Variants in THSD7B observed in about 807,000 individuals in gnomAD.
THSD7B encodes the protein thrombospondin type 1 domain containing 7B.
THSD7B carries 138 observed loss-of-function variants against 213.6 expected under a neutral mutation model. The ratio of observed to expected loss-of-function variants is 0.65; its 90% CI spans 0.56 to 0.74. The LOEUF (loss-of-function observed/expected upper bound fraction) is 0.74, where lower values mean the gene tolerates loss of function less well. Ranked by LOEUF, THSD7B falls within the 30% of genes least tolerant of loss-of-function variation. The probability of loss-of-function intolerance (pLI) is 0.00; values close to 1 mark genes in which losing one functional copy is unlikely to be tolerated. For missense variants in THSD7B, 1,931 were observed against 1,991.5 expected (o/e 0.97, Z 0.58); for synonymous variants, 742 against 687.0 (o/e 1.08, Z -1.25).
At chr2:136,965,743 TA>T (rs1685303122) in intron 2 of THSD7B, among the ~76,000 whole-genome samples, 1 of 152,206 alleles carries the variant, frequency 6.6e-6, no homozygotes, top group African/African-American at 2.4e-5. Flanking sequence ...TTTATTTCTT[TA>T]GTTTTAATAG....
chr2:137,093,216 G>A (rs1687983342), intron 3 of THSD7B, among the ~76,000 whole-genome samples: 1 of 152,008 alleles, frequency 6.6e-6, no homozygotes. Context: ...ACCTGTGACA[G>A]GAAGCCCTTC....
intron 14 of THSD7B, among the ~76,000 whole-genome samples, chr2:137,441,770 A>G (rs139162935): frequency 1.7e-4 from 26 of 152,218 alleles, no homozygotes; most frequent in Admixed American, 3.3e-4. Flanking sequence ...TGTCAATGTT[A>G]TCCTAGTCTT....
At chr2:137,207,017 G>C (rs1457649195) in intron 7 of THSD7B, among the ~76,000 whole-genome samples, 1 of 152,034 alleles carries the variant, frequency 6.6e-6, no homozygotes, top group Non-Finnish European at 1.5e-5. Context: ...TTTCCAAAAA[G>C]GAAAGTTCAG....
chr2:136,971,880 C>T (rs1259500909), intron 2 of THSD7B, among the ~76,000 whole-genome samples: 4 of 152,218 alleles, frequency 2.6e-5, no homozygotes, highest in Middle Eastern at 3.4e-3. Flanking sequence ...TTGGGCTCCA[C>T]TTCTCTATGA....
intron 1 of THSD7B, among the ~76,000 whole-genome samples, chr2:136,819,828 C>T (rs145786837): frequency 4.6e-5 from 7 of 151,032 alleles, no homozygotes; most frequent in African/African-American, 1.7e-4. Flanking sequence ...TCCCAAGAAG[C>T]CTACTACTCT....
intron 16 of THSD7B, among the ~76,000 whole-genome samples, chr2:137,569,070 A>C (rs543001338): frequency 6.6e-6 from 1 of 152,310 alleles, no homozygotes; most frequent in East Asian, 1.9e-4. Flanking sequence ...AGTGGAGGTA[A>C]GAAAGGGTGG....
chr2:137,664,779 A>G (rs1383689240), intron 26 of THSD7B, among the ~76,000 whole-genome samples: 5 of 152,178 alleles, frequency 3.3e-5, no homozygotes, highest in Non-Finnish European at 5.9e-5. Flanking sequence ...AATTGGATAG[A>G]AGGGGAAAGC....
chr2:137,302,026 T>G (rs1683617175), intron 12 of THSD7B, among the ~76,000 whole-genome samples: 1 of 152,058 alleles, frequency 6.6e-6, no homozygotes, highest in Admixed American at 6.6e-5. Flanking sequence ...AATGATGATG[T>G]GACTTGGACC....
intron 2 of THSD7B, among the ~76,000 whole-genome samples, chr2:137,010,048 C>T (rs1006428805): frequency 2.0e-5 from 3 of 152,226 alleles, no homozygotes; most frequent in African/African-American, 7.2e-5. Flanking sequence ...CCCTCACCCC[C>T]TCCCATCCTT....
chr2:136,768,458 A>G (rs1188824112), intron 1 of THSD7B, among the ~76,000 whole-genome samples: 2 of 152,260 alleles, frequency 1.3e-5, no homozygotes, highest in Admixed American at 6.5e-5. Flanking sequence ...AAGATTAGGC[A>G]TTAAAGTAAT....
intron 15 of THSD7B, among the ~76,000 whole-genome samples, chr2:137,542,107 A>C (rs1680621683): frequency 6.6e-6 from 1 of 151,754 alleles, no homozygotes; most frequent in Non-Finnish European, 1.5e-5. Flanking sequence ...GAAGCTCAAC[A>C]AACTTTGTGG....
At chr2:137,444,285 A>T (rs183432163) in intron 14 of THSD7B, among the ~76,000 whole-genome samples, 2 of 152,190 alleles carry the variant, frequency 1.3e-5, no homozygotes, top group East Asian at 3.9e-4. Flanking sequence ...TTACATTTTC[A>T]CATGCTGATG....
chr2:137,458,668 A>G (rs1292752570), intron 15 of THSD7B, among the ~76,000 whole-genome samples: 1 of 152,128 alleles, frequency 6.6e-6, no homozygotes, highest in East Asian at 1.9e-4. Flanking sequence ...TATGCTGTTA[A>G]TCATCAGTCA....
chr2:137,024,727 A>G (rs1253399710), intron 2 of THSD7B, among the ~76,000 whole-genome samples: 1 of 152,140 alleles, frequency 6.6e-6, no homozygotes, highest in Non-Finnish European at 1.5e-5. Flanking sequence ...CTTCCCACAC[A>G]TAGTCAACTT....
At position 137,231,074 on chromosome 2, in the gene THSD7B, T is replaced by C. The variant is rs566033293; in HGVS notation, c.1754T>C (p.Val585Ala). The C allele has an allele frequency of 1.9e-6, 3 of 1,613,630 alleles. No individual in the cohort carries two copies. The highest frequency in any genetic ancestry group is 2.2e-5 in the East Asian group (1 of 44,870). ...GEDVSGSLCP[V>A]PPPPERKSCE... ...GATGTATCAGGGAGTCTTTGCCCAG[T>C]TCCCCCTCCTCCTGAGAGGAAGTCT... is the stretch of plus-strand genomic sequence containing the variant. The change falls in exon 8 of 28, where the codon GTT (valine) becomes GCT (alanine). Residue 585 changes from valine to alanine, a missense_variant. By Grantham distance (64) the Val-to-Ala change is moderately conservative. Transcript: ENST00000409968.
intron 12 of THSD7B, among the ~76,000 whole-genome samples, chr2:137,351,561 G>T (rs1166684382): frequency 6.6e-6 from 1 of 151,926 alleles, no homozygotes; most frequent in Non-Finnish European, 1.5e-5. Flanking sequence ...CTGATAAAAT[G>T]AAGCAATCGA....
At chr2:137,116,328 C>T (rs936814059) in intron 5 of THSD7B, among the ~76,000 whole-genome samples, 1 of 152,198 alleles carries the variant, frequency 6.6e-6, no homozygotes, top group Non-Finnish European at 1.5e-5. Flanking sequence ...TCTTCCTTCT[C>T]TAATTTCACT....
At chr2:137,308,267 G>C (rs1683804238) in intron 12 of THSD7B, among the ~76,000 whole-genome samples, 1 of 151,954 alleles carries the variant, frequency 6.6e-6, no homozygotes, top group Non-Finnish European at 1.5e-5. Flanking sequence ...AGGAATAAGG[G>C]AGCAGGCCTG....
In THSD7B at chr2:137,558,943, A is replaced by G. The variant is rs533661206; in HGVS notation, c.3139-4278A>G. Among the ~76,000 whole-genome samples, 432 of 152,296 alleles carry G rather than the reference A, an allele frequency of 2.8e-3. 5 individuals carry two copies. The highest frequency in any genetic ancestry group is 3.4e-3 in the Middle Eastern group (1 of 294). On this transcript the variant is annotated intron_variant, in intron 15 of 27. Coordinates refer to ENST00000409968, the MANE Select transcript of THSD7B (RefSeq NM_001316349.2). The stretch of plus-strand genomic sequence containing the variant: ...TAACAGACAAACAGAGAGCCAAATC[A>G]TGAGTGAACTCCCATTCACAATTGC...
Sources: gnomAD v4.1 joint callset for allele counts (sites outside exome capture counted in the v4.1 genomes callset) on GRCh38, gnomAD v4.1.1 for gene constraint, MANE v1.5 for transcripts, NCBI Gene and HGNC (gene_info 2026-07-23, HGNC 2026-07-21) for gene names.